Variants in GRID2 observed in about 807,000 individuals in gnomAD.
GRID2 encodes glutamate receptor ionotropic, delta-2.
A neutral mutation model predicts 114.8 loss-of-function variants in GRID2; 33 were observed. The observed-to-expected ratio is 0.29, with a 90% CI of 0.22 to 0.38. The LOEUF is 0.38. GRID2 is among the 10% of genes least tolerant of loss of function. The probability of loss-of-function intolerance (pLI) is 1.00; values close to 1 mark genes in which losing one functional copy is unlikely to be tolerated. For synonymous variants in GRID2, 505 were observed against 449.9 expected, an observed-to-expected ratio of 1.12 and a Z score of -1.55; for missense variants, 1,184 against 1,257.7, an observed-to-expected ratio of 0.94 and a Z score of 0.89.
intron 9 of GRID2, among the ~76,000 whole-genome samples, chr4:93,418,793 C>A (rs1395583590): frequency 1.3e-5 from 2 of 151,840 alleles, no homozygotes; most frequent in African/African-American, 2.4e-5. Flanking sequence ...GTAATATTAC[C>A]TTTTTCTAGA....
At chr4:92,856,060 A>G (rs1026634698) in intron 2 of GRID2, among the ~76,000 whole-genome samples, 8 of 152,034 alleles carry the variant, frequency 5.3e-5, no homozygotes, top group Admixed American at 5.3e-4. Flanking sequence ...TCTTTCCTCC[A>G]AGCTGGAATT....
At chr4:93,473,094 TTAACTATTTTTTCCTG>T (rs1240391391) in intron 11 of GRID2, among the ~76,000 whole-genome samples, 8 of 152,206 alleles carry the variant, frequency 5.3e-5, no homozygotes, top group Admixed American at 2.6e-4. Flanking sequence ...ATTTTTTCCT[TTAACTATTTTTTCCTG>T]TAACATTATT....
At chr4:93,531,421 T>A (rs1231715165) in intron 13 of GRID2, among the ~76,000 whole-genome samples, 1 of 152,168 alleles carries the variant, frequency 6.6e-6, no homozygotes, top group East Asian at 1.9e-4. Flanking sequence ...GAGTATTATT[T>A]ATTTGATTAC....
chr4:93,780,639 T>C (rs1257051781), intron 1 of GRID2, among the ~76,000 whole-genome samples: 2 of 152,130 alleles, frequency 1.3e-5, no homozygotes, highest in African/African-American at 4.8e-5. Flanking sequence ...CCATTTTAAG[T>C]AGAGTGCAAT....
intron 1 of GRID2, among the ~76,000 whole-genome samples, chr4:92,518,144 A>C (rs1328898483): frequency 2.0e-5 from 3 of 148,218 alleles, no homozygotes; most frequent in Admixed American, 6.7e-5. Context: ...TTCTTCTCCT[A>C]CTCTTCATCC....
At chr4:93,505,384 G>C (rs989706651) in intron 12 of GRID2, among the ~76,000 whole-genome samples, 5 of 151,766 alleles carry the variant, frequency 3.3e-5, no homozygotes, top group African/African-American at 1.2e-4. Context: ...CCTATAATCA[G>C]CAGTAACATT....
At chr4:93,423,582 A>T (rs2149369797) in intron 10 of GRID2, among the ~76,000 whole-genome samples, 1 of 151,620 alleles carries the variant, frequency 6.6e-6, no homozygotes. Context: ...TTTTCTTTTT[A>T]AAAATGTGAT....
chr4:93,802,876 C>T (rs1381283316), intron 1 of GRID2, among the ~76,000 whole-genome samples: 5 of 152,150 alleles, frequency 3.3e-5, no homozygotes, highest in Non-Finnish European at 5.9e-5. Context: ...AGTAAGACCC[C>T]CAAATTCTGA....
chr4:92,725,816 T>C (rs774445600), intron 2 of GRID2, among the ~76,000 whole-genome samples: 7 of 152,160 alleles, frequency 4.6e-5, no homozygotes, highest in Non-Finnish European at 8.8e-5. Context: ...GATTTCCTAA[T>C]GAGAAAGCAA....
chr4:93,407,035 A>G (rs1345040133), intron 9 of GRID2, among the ~76,000 whole-genome samples: 1 of 152,192 alleles, frequency 6.6e-6, no homozygotes, highest in African/African-American at 2.4e-5. Context: ...ATAAATTTTG[A>G]CAAATCACAT....
At chr4:92,683,482 G>A (rs1324337034) in intron 2 of GRID2, among the ~76,000 whole-genome samples, 1 of 151,984 alleles carries the variant, frequency 6.6e-6, no homozygotes, top group Admixed American at 6.6e-5. Flanking sequence ...TGGCAAACTT[G>A]AGCAGCCTAA....
intron 2 of GRID2, among the ~76,000 whole-genome samples, chr4:92,829,445 T>TG: frequency 6.6e-6 from 1 of 152,246 alleles, no homozygotes; most frequent in African/African-American, 2.4e-5. Flanking sequence ...CAACAGATGC[T>TG]GGGGAGGTTA....
At chr4:93,051,945 T>C (rs996589667) in intron 2 of GRID2, among the ~76,000 whole-genome samples, 1 of 152,100 alleles carries the variant, frequency 6.6e-6, no homozygotes, top group Non-Finnish European at 1.5e-5. Context: ...TTTATTGTTA[T>C]ATCAGTCACT....
chr4:93,568,267 C>A (rs1735620268), intron 13 of GRID2, among the ~76,000 whole-genome samples: 1 of 152,056 alleles, frequency 6.6e-6, no homozygotes, highest in South Asian at 2.1e-4. Flanking sequence ...GCACTGTATT[C>A]CCTAGGAAAA....
At chr4:93,617,991 C>T (rs1402176686) in intron 13 of GRID2, among the ~76,000 whole-genome samples, 4 of 152,148 alleles carry the variant, frequency 2.6e-5, no homozygotes, top group Non-Finnish European at 5.9e-5. Flanking sequence ...CCCCCCTAAC[C>T]TTCTGTACCC....
chr4:93,479,645 G>C (rs1725663621), intron 11 of GRID2, among the ~76,000 whole-genome samples: 1 of 152,144 alleles, frequency 6.6e-6, no homozygotes, highest in Non-Finnish European at 1.5e-5. Flanking sequence ...CAGGGATCCT[G>C]ATGTCCAGGG....
intron 2 of GRID2, among the ~76,000 whole-genome samples, chr4:92,787,023 A>G (rs1381338012): frequency 1.3e-5 from 2 of 151,928 alleles, no homozygotes; most frequent in African/African-American, 4.8e-5. Flanking sequence ...AAAAGTCAAT[A>G]TATGTTTGGG....
chr4:93,548,440 A>C (rs1049507056), intron 13 of GRID2, among the ~76,000 whole-genome samples: 2 of 152,154 alleles, frequency 1.3e-5, no homozygotes, highest in Admixed American at 6.6e-5. Flanking sequence ...ACTTTGAACA[A>C]GGCTTTTTAC....
chr4:93,241,974 G>A (rs977000581), intron 8 of GRID2, among the ~76,000 whole-genome samples: 13 of 151,706 alleles, frequency 8.6e-5, no homozygotes, highest in African/African-American at 2.7e-4. Flanking sequence ...AATTGATAGC[G>A]ATACAGTAGG....
Sources: gnomAD v4.1 joint callset for allele counts (sites outside exome capture counted in the v4.1 genomes callset) on GRCh38, gnomAD v4.1.1 for gene constraint, MANE v1.5 for transcripts, NCBI Gene and HGNC (gene_info 2026-07-23, HGNC 2026-07-21) for gene names.